Variants in CSMD3 observed in about 807,000 individuals in gnomAD.
CSMD3 encodes CUB and sushi domain-containing protein 3.
A neutral mutation model predicts 435.2 loss-of-function variants in CSMD3; 177 were observed. The ratio of observed to expected loss-of-function variants is 0.41; its 90% CI spans 0.36 to 0.46. CSMD3 has a LOEUF of 0.46. Ranked by LOEUF, CSMD3 falls within the 20% of genes least tolerant of loss-of-function variation. The pLI, the probability that CSMD3 is intolerant of heterozygous loss-of-function variation, is 0.34. For missense variants in CSMD3, 4,265 were observed against 4,504.6 expected, an observed-to-expected ratio of 0.95 and a Z score of 1.52; for synonymous variants, 1,656 against 1,520.5, an observed-to-expected ratio of 1.09 and a Z score of -2.07.
chr8:112,552,090 T>C (rs546873332), intron 26 of CSMD3, among the ~76,000 whole-genome samples: 1 of 152,228 alleles, frequency 6.6e-6, no homozygotes, highest in Admixed American at 6.6e-5. Flanking sequence ...GTTTCACAAA[T>C]GTGTTTAGGG....
chr8:112,835,798 T>C (rs2080006324), intron 11 of CSMD3, among the ~76,000 whole-genome samples: 1 of 151,836 alleles, frequency 6.6e-6, no homozygotes, highest in Admixed American at 6.6e-5. Flanking sequence ...ATAAATCCTC[T>C]CAGGAATCAG....
intron 1 of CSMD3, among the ~76,000 whole-genome samples, chr8:113,326,171 A>G (rs2093982407): frequency 6.6e-6 from 1 of 152,206 alleles, no homozygotes. Context: ...GAGCAATGCT[A>G]ATGTTCACAT....
At chr8:112,755,502 T>G (rs972706932) in intron 13 of CSMD3, among the ~76,000 whole-genome samples, 1 of 151,472 alleles carries the variant, frequency 6.6e-6, no homozygotes, top group Non-Finnish European at 1.5e-5. Context: ...AAGGACAAGT[T>G]TGCTTCCCCT....
intron 24 of CSMD3, among the ~76,000 whole-genome samples, chr8:112,562,802 C>T (rs1828746617): frequency 6.6e-6 from 1 of 151,502 alleles, no homozygotes; most frequent in South Asian, 2.1e-4. Flanking sequence ...TAAGTGAAGA[C>T]CTCTTCATTT....
At chr8:112,994,388 A>G (rs936656789) in intron 6 of CSMD3, among the ~76,000 whole-genome samples, 3 of 151,652 alleles carry the variant, frequency 2.0e-5, no homozygotes, top group African/African-American at 4.8e-5. Flanking sequence ...GACCACACCA[A>G]TGTGCTTCAT....
intron 1 of CSMD3, among the ~76,000 whole-genome samples, chr8:113,362,149 A>G (rs2094281495): frequency 6.6e-6 from 1 of 152,206 alleles, no homozygotes; most frequent in Non-Finnish European, 1.5e-5. Flanking sequence ...CTGGTCAAAT[A>G]TTTTGATTCA....
At chr8:112,547,386 A>C (rs1827273218) in intron 27 of CSMD3, among the ~76,000 whole-genome samples, 1 of 148,994 alleles carries the variant, frequency 6.7e-6, no homozygotes, top group Non-Finnish European at 1.5e-5. Flanking sequence ...TCATCTGTAC[A>C]AAAAAAAAAT....
Position 112,976,031 on chromosome 8 carries a change from G to C in CSMD3, c.1148C>G (p.Thr383Arg). The change falls in exon 7 of 71, where the codon ACA becomes AGA. Residue 383 changes from threonine to arginine, a missense_variant. Coordinates refer to ENST00000297405, the MANE Select transcript of CSMD3 (RefSeq NM_198123.2). Reference sequence around the variant, plus strand: ...GGAAAGTCTATGGATGGTGACAGCTGTAACACTGGATACAGTAACATCTGC... The same window carrying C: ...GGAAAGTCTATGGATGGTGACAGCTCTAACACTGGATACAGTAACATCTGC... Reference protein sequence around the residue: ...TPADVTVSSVTAVTIHRLSEE... With the variant: ...TPADVTVSSVRAVTIHRLSEE... 1.2e-6 allele frequency: 2 copies of C among 1,614,026 alleles called. No homozygotes were observed. Among genetic ancestry groups the C allele is most frequent in the Non-Finnish European group, 1.7e-6 (2 of 1,179,950 alleles).
intron 14 of CSMD3, among the ~76,000 whole-genome samples, chr8:112,688,798 A>C (rs2076068824): frequency 6.6e-6 from 1 of 152,050 alleles, no homozygotes; most frequent in Non-Finnish European, 1.5e-5. Context: ...AAAATAGTAA[A>C]AAATGTTTTC....
intron 4 of CSMD3, among the ~76,000 whole-genome samples, chr8:113,151,378 A>G (rs1391634864): frequency 6.6e-6 from 1 of 151,912 alleles, no homozygotes; most frequent in East Asian, 1.9e-4. Flanking sequence ...CTTTGAGTCA[A>G]TCATTGCAAT....
intron 11 of CSMD3, among the ~76,000 whole-genome samples, chr8:112,843,648 G>A (rs1251482289): frequency 2.0e-5 from 3 of 151,764 alleles, no homozygotes; most frequent in Admixed American, 2.0e-4. Flanking sequence ...CATCTTTGCT[G>A]GATTTGAAGA....
intron 32 of CSMD3, among the ~76,000 whole-genome samples, chr8:112,432,213 T>C (rs1029977900): frequency 3.3e-5 from 5 of 152,202 alleles, no homozygotes; most frequent in Non-Finnish European, 7.3e-5. Context: ...AGTTGGAGAT[T>C]CATGCCTATG....
chr8:112,386,817 G>A (rs963530915), intron 36 of CSMD3, among the ~76,000 whole-genome samples: 1 of 152,082 alleles, frequency 6.6e-6, no homozygotes, highest in African/African-American at 2.4e-5. Flanking sequence ...TTTTAAAAGA[G>A]GTAAATACTG....
At chr8:112,542,099 C>T (rs1159418768) in intron 27 of CSMD3, among the ~76,000 whole-genome samples, 1 of 142,908 alleles carries the variant, frequency 7.0e-6, no homozygotes, top group Admixed American at 7.4e-5. Flanking sequence ...AAATTAAATG[C>T]CTTTTCTTAA....
At chr8:112,692,471 G>A (rs886617115) in intron 13 of CSMD3, among the ~76,000 whole-genome samples, 28 of 152,066 alleles carry the variant, frequency 1.8e-4, no homozygotes, top group Admixed American at 1.6e-3. Context: ...TCTTGCAGTG[G>A]ATAAATAAGT....
intron 1 of CSMD3, among the ~76,000 whole-genome samples, chr8:113,408,862 G>A (rs2094544981): frequency 6.6e-6 from 1 of 151,740 alleles, no homozygotes; most frequent in African/African-American, 2.4e-5. Context: ...ATGGCATCTC[G>A]CCATGTTGAC....
chr8:113,265,817 A>C (rs1239666647), intron 3 of CSMD3, among the ~76,000 whole-genome samples: 2 of 151,546 alleles, frequency 1.3e-5, no homozygotes, highest in African/African-American at 4.8e-5. Context: ...TTCCATGACT[A>C]ACTAGGTTGA....
At chr8:112,617,129 C>G (rs1833720639) in intron 22 of CSMD3, among the ~76,000 whole-genome samples, 1 of 152,146 alleles carries the variant, frequency 6.6e-6, no homozygotes, top group Admixed American at 6.6e-5. Context: ...AGCTGTTTCT[C>G]TATAGGCTTA....
intron 5 of CSMD3, among the ~76,000 whole-genome samples, chr8:113,093,889 T>C (rs2090083549): frequency 6.6e-6 from 1 of 152,178 alleles, no homozygotes; most frequent in Non-Finnish European, 1.5e-5. Flanking sequence ...CTGCATGCCA[T>C]GTTTTCACTA....
Sources: gnomAD v4.1 joint callset for allele counts (sites outside exome capture counted in the v4.1 genomes callset) on GRCh38, gnomAD v4.1.1 for gene constraint, MANE v1.5 for transcripts, NCBI Gene and HGNC (gene_info 2026-07-23, HGNC 2026-07-21) for gene names.